Variants in CDYL observed in about 807,000 individuals in gnomAD.
CDYL encodes chromodomain Y like, also known as chromodomain Y-like protein.
In CDYL, 8 loss-of-function variants were observed where a neutral mutation model predicts 47.3. That is an observed-to-expected ratio of 0.17 (90% CI 0.10 to 0.31). The LOEUF (loss-of-function observed/expected upper bound fraction) is 0.31. Among genes scored for constraint, CDYL ranks in the 10% least tolerant of loss-of-function variants. CDYL has a pLI of 1.00. For missense variants in CDYL, 471 were observed against 701.4 expected (o/e 0.67, Z 3.71); for synonymous variants, 266 against 265.0 (o/e 1.00, Z -0.04).
chr6:4,716,014 C>A (rs528622253), intron 2 of CDYL: 30 of 1,333,134 alleles, frequency 2.3e-5, no homozygotes, highest in African/African-American at 4.5e-5. Flanking sequence ...TTTGGGAGGC[C>A]GAGGCGGGCG....
At chr6:4,828,156 C>G (rs1174846039) in intron 1 of CDYL, among the ~76,000 whole-genome samples, 1 of 150,476 alleles carries the variant, frequency 6.6e-6, no homozygotes, top group Non-Finnish European at 1.5e-5. Context: ...ACTTCCTCAG[C>G]TTTTATTTAT....
At chr6:4,706,397 T>C (rs1757047495) in intron 1 of CDYL, 1 of 152,124 alleles carries the variant, frequency 6.6e-6, no homozygotes, top group South Asian at 2.1e-4. Flanking sequence ...AACAAAGAGC[T>C]CTGGGTTCTG....
chr6:4,770,560 G>A (rs115310893), intron 3 of CDYL, among the ~76,000 whole-genome samples: 3,333 of 152,176 alleles, frequency 0.022, 129 homozygotes, highest in African/African-American at 0.076. Flanking sequence ...TAATGTTGCT[G>A]TTGACCAAAT....
chr6:4,953,945 G>C lies in CDYL; in HGVS notation c.1524G>C (p.Glu508Asp). The C allele has an allele frequency of 6.2e-7, 1 of 1,614,102 alleles. No individual in the cohort carries two copies. The highest frequency in any genetic ancestry group is 8.5e-7 in the Non-Finnish European group (1 of 1,180,004). ...TCGTGCGCTGCAACATGAAGATGGA[G>C]CTGGAGCAGGCCAACGAGAGGGAGT... is the stretch of plus-strand genomic sequence containing the variant. ...KALVRCNMKM[E>D]LEQANERECE... is the part of the protein sequence containing the mutation. Residue 508 changes from glutamate (E) to aspartate (D), a missense_variant, in exon 7 of 7, where the codon GAG becomes GAC. This residue lies in a region of CDYL where 57 missense variants were observed against 74.3 expected (regional missense o/e 0.77). Coordinates refer to ENST00000397588, the MANE Select transcript of CDYL (RefSeq NM_004824.4).
At chr6:4,837,029 T>A (rs1390111539) in intron 1 of CDYL, among the ~76,000 whole-genome samples, 1 of 152,170 alleles carries the variant, frequency 6.6e-6, no homozygotes, top group Non-Finnish European at 1.5e-5. Flanking sequence ...CACCTGTATA[T>A]CCCCAGTACC....
intron 1 of CDYL, among the ~76,000 whole-genome samples, chr6:4,783,289 ATT>A (rs1758666847): frequency 7.1e-6 from 1 of 141,500 alleles, no homozygotes; most frequent in Non-Finnish European, 1.5e-5. Flanking sequence ...ACATGTCTTT[ATT>A]TTGCCATCAT....
Position 4,790,509 on chromosome 6 carries a change from C to T in CDYL, c.24+13702C>T, listed in dbSNP as rs75826745. Among the ~76,000 whole-genome samples the T allele has an allele frequency of 4.1e-3, 630 of 152,266 alleles. 1 individual carries two copies. Among genetic ancestry groups the T allele is most frequent in the African/African-American group, 0.014 (589 of 41,550 alleles). On this transcript the variant is annotated intron_variant, in intron 1 of 6. Transcript: ENST00000397588. Reference sequence around the variant, plus strand: ...TTCTGAAGCGCTTTTGGAAAGTAGGCGGACATTTGAGTTCCTCATCTGCCT... The same window carrying T: ...TTCTGAAGCGCTTTTGGAAAGTAGGTGGACATTTGAGTTCCTCATCTGCCT...
chr6:4,776,050 C>G (rs1223388457), upstream of CDYL, among the ~76,000 whole-genome samples: 1 of 150,422 alleles, frequency 6.6e-6, no homozygotes, highest in South Asian at 2.1e-4. Flanking sequence ...TCCCGCCTGC[C>G]CTGGGCCGGG....
intron 2 of CDYL, among the ~76,000 whole-genome samples, chr6:4,894,002 C>A (rs940951150): frequency 6.6e-6 from 1 of 152,212 alleles, no homozygotes; most frequent in Non-Finnish European, 1.5e-5. Flanking sequence ...CAAACGGTGC[C>A]TTTTCCGGCT....
chr6:4,832,015 C>A (rs1760160344), intron 1 of CDYL, among the ~76,000 whole-genome samples: 1 of 152,048 alleles, frequency 6.6e-6, no homozygotes. Context: ...ATCATGTCAT[C>A]TGCAAACAGG....
chr6:4,856,125 A>C (rs1273975510), intron 1 of CDYL, among the ~76,000 whole-genome samples: 8 of 152,212 alleles, frequency 5.3e-5, no homozygotes, highest in African/African-American at 1.7e-4. Flanking sequence ...GTATCTAAAA[A>C]CACCAGGGTA....
At chr6:4,758,874 T>C (rs1012596917) in intron 3 of CDYL, among the ~76,000 whole-genome samples, 3 of 151,936 alleles carry the variant, frequency 2.0e-5, no homozygotes, top group African/African-American at 7.2e-5. Context: ...ATATGTAATA[T>C]ATTTACATAT....
chr6:4,762,645 CAAAAA>C (rs1173404314), intron 3 of CDYL, among the ~76,000 whole-genome samples: 4,437 of 39,728 alleles, frequency 0.11, 102 homozygotes, highest in South Asian at 0.29. Context: ...TAAAGGGTAC[CAAAAA>C]AAAAAAAAAA....
At chr6:4,922,917 A>G (rs964905370) in intron 2 of CDYL, among the ~76,000 whole-genome samples, 1 of 152,184 alleles carries the variant, frequency 6.6e-6, no homozygotes, top group East Asian at 1.9e-4. Flanking sequence ...GGTGCCTGCA[A>G]GTGTGGCCCA....
At chr6:4,807,743 A>G (rs1250906410) in intron 1 of CDYL, among the ~76,000 whole-genome samples, 1 of 151,608 alleles carries the variant, frequency 6.6e-6, no homozygotes, top group Non-Finnish European at 1.5e-5. Context: ...AGCTGGGACT[A>G]CAGGCATGTG....
At chr6:4,793,009 G>A (rs998303941) in intron 1 of CDYL, among the ~76,000 whole-genome samples, 9 of 152,008 alleles carry the variant, frequency 5.9e-5, no homozygotes, top group South Asian at 2.1e-4. Flanking sequence ...TGTTCAATTG[G>A]TATTTGTCTT....
At chr6:4,707,890 TA>T (rs1757074891) in intron 1 of CDYL, among the ~76,000 whole-genome samples, 1 of 152,186 alleles carries the variant, frequency 6.6e-6, no homozygotes, top group Non-Finnish European at 1.5e-5. Context: ...AATCATGTAG[TA>T]TTTTATTCAG....
At chr6:4,793,015 G>T (rs1758968035) in intron 1 of CDYL, among the ~76,000 whole-genome samples, 1 of 152,068 alleles carries the variant, frequency 6.6e-6, no homozygotes, top group South Asian at 2.1e-4. Flanking sequence ...ATTGGTATTT[G>T]TCTTTCCTGA....
chr6:4,842,641 T>G (rs1023152800), intron 1 of CDYL, among the ~76,000 whole-genome samples: 3 of 152,144 alleles, frequency 2.0e-5, no homozygotes, highest in Non-Finnish European at 4.4e-5. Flanking sequence ...CCCGTTTACC[T>G]TAAGTTTATG....
Sources: gnomAD v4.1 joint callset for allele counts (sites outside exome capture counted in the v4.1 genomes callset) on GRCh38, gnomAD v4.1.1 for gene constraint, gnomAD v4.1.1 regional missense constraint, MANE v1.5 for transcripts, NCBI Gene and HGNC (gene_info 2026-07-23, HGNC 2026-07-21) for gene names.